TUBA1C: variants seen among roughly 807,000 people sequenced by gnomAD.
TUBA1C encodes tubulin alpha 1c, also known as tubulin alpha-1C chain.
TUBA1C carries 16 observed loss-of-function variants against 34.9 expected under a neutral mutation model. That is an observed-to-expected ratio of 0.46 (90% CI 0.31 to 0.70). TUBA1C has a LOEUF of 0.70. Ranked by LOEUF, TUBA1C falls within the 30% of genes least tolerant of loss-of-function variation. The pLI, the probability that TUBA1C is intolerant of heterozygous loss-of-function variation, is 0.05. For missense variants in TUBA1C, 329 were observed against 587.3 expected, an observed-to-expected ratio of 0.56 and a Z score of 4.55; for synonymous variants, 177 against 215.9, an observed-to-expected ratio of 0.82 and a Z score of 1.58.
chr12:49,254,022 G>C (rs987034252), intron 1 of TUBA1C, among the ~76,000 whole-genome samples: 3 of 152,114 alleles, frequency 2.0e-5, no homozygotes, highest in Admixed American at 6.6e-5. Flanking sequence ...GATAAAAGCA[G>C]GAAGGGGAGC....
At chr12:49,241,991 CTTT>C (rs201854507) in intron 1 of TUBA1C, among the ~76,000 whole-genome samples, 2 of 131,790 alleles carry the variant, frequency 1.5e-5, no homozygotes, top group Admixed American at 7.7e-5. Flanking sequence ...TTCTTTCTTT[CTTT>C]TTTTTTTTTT....
upstream of TUBA1C, chr12:49,265,005 C>T (rs1291845898): frequency 3.3e-6 from 3 of 906,368 alleles, no homozygotes; most frequent in South Asian, 1.6e-4. Flanking sequence ...CGGCACGGGG[C>T]GGGGTCTGGG....
At chr12:49,232,347 G>C (rs1280501152) in intron 1 of TUBA1C, among the ~76,000 whole-genome samples, 2 of 152,112 alleles carry the variant, frequency 1.3e-5, no homozygotes, top group Non-Finnish European at 2.9e-5. Context: ...TTTTCTGTTT[G>C]GATATGAACT....
intron 1 of TUBA1C, among the ~76,000 whole-genome samples, chr12:49,269,245 TAG>T (rs1942956100): frequency 6.6e-6 from 1 of 152,088 alleles, no homozygotes; most frequent in Non-Finnish European, 1.5e-5. Flanking sequence ...GTATTTTTAG[TAG>T]AGATGCAGTT....
At chr12:49,254,050 G>A (rs1048054147) in intron 1 of TUBA1C, among the ~76,000 whole-genome samples, 1 of 152,144 alleles carries the variant, frequency 6.6e-6, no homozygotes. Flanking sequence ...GGTGACTTAC[G>A]CCTGTAATCC....
At chr12:49,229,110 G>T (rs895406947) in intron 1 of TUBA1C, among the ~76,000 whole-genome samples, 2 of 152,150 alleles carry the variant, frequency 1.3e-5, no homozygotes, top group African/African-American at 4.8e-5. Flanking sequence ...CATGAAGGAG[G>T]CGGTGGATTT....
intron 1 of TUBA1C, among the ~76,000 whole-genome samples, chr12:49,246,451 G>A (rs1285131999): frequency 2.6e-5 from 4 of 151,634 alleles, no homozygotes; most frequent in Admixed American, 6.6e-5. Flanking sequence ...AGGCCGAGGC[G>A]GGCGGATCAC....
chr12:49,228,183 A>G, intron 1 of TUBA1C: 1 of 1,535,044 alleles, frequency 6.5e-7, no homozygotes, highest in Non-Finnish European at 8.7e-7. Flanking sequence ...CTGTAATAGT[A>G]ATGTAATGTA....
intron 1 of TUBA1C, chr12:49,228,248 T>C: frequency 1.5e-6 from 2 of 1,312,288 alleles, no homozygotes; most frequent in Non-Finnish European, 2.1e-6. Flanking sequence ...CAACTGATAT[T>C]TGTGAATTTG....
At chr12:49,258,674 C>T (rs146839073) in intron 1 of TUBA1C, among the ~76,000 whole-genome samples, 7 of 150,664 alleles carry the variant, frequency 4.6e-5, no homozygotes, top group African/African-American at 7.3e-5. Flanking sequence ...GTGATCAGCC[C>T]GCCTTGGCCT....
chr12:49,255,640 C>T (rs771563409), intron 1 of TUBA1C, among the ~76,000 whole-genome samples: 1 of 152,078 alleles, frequency 6.6e-6, no homozygotes, highest in Non-Finnish European at 1.5e-5. Context: ...CTCACTGCAA[C>T]CTCCACCTCC....
chr12:49,250,523 C>CAA (rs562107706), intron 1 of TUBA1C, among the ~76,000 whole-genome samples: 25 of 54,848 alleles, frequency 4.6e-4, no homozygotes, highest in East Asian at 1.0e-3. Flanking sequence ...GACTCCGTCT[C>CAA]AAAAAAAAAA....
intron 1 of TUBA1C, among the ~76,000 whole-genome samples, chr12:49,241,357 A>G (rs1942613045): frequency 6.6e-6 from 1 of 152,182 alleles, no homozygotes; most frequent in Non-Finnish European, 1.5e-5. Context: ...GTTAGGTAGG[A>G]TTCAACACTG....
intron 1 of TUBA1C, among the ~76,000 whole-genome samples, chr12:49,250,188 G>C (rs1188296116): frequency 6.6e-6 from 1 of 151,780 alleles, no homozygotes; most frequent in Non-Finnish European, 1.5e-5. Flanking sequence ...GACAGAGTGA[G>C]ACTCCATCTC....
chr12:49,235,253 TAA>T (rs36089997), intron 1 of TUBA1C, among the ~76,000 whole-genome samples: 5 of 147,454 alleles, frequency 3.4e-5, no homozygotes, highest in Non-Finnish European at 6.0e-5. Flanking sequence ...TTAGAATGCT[TAA>T]AAAAAAAAAA....
intron 1 of TUBA1C, among the ~76,000 whole-genome samples, chr12:49,231,448 G>T (rs1364980641): frequency 3.3e-5 from 5 of 152,162 alleles, no homozygotes; most frequent in Non-Finnish European, 7.3e-5. Flanking sequence ...GGGATTACAG[G>T]TGTGAGCCAG....
intron 1 of TUBA1C, among the ~76,000 whole-genome samples, chr12:49,240,269 GC>G (rs1379378727): frequency 6.8e-6 from 1 of 146,946 alleles, no homozygotes; most frequent in East Asian, 2.0e-4. Context: ...CTATAATTGG[GC>G]TTTTGAGAAT....
upstream of TUBA1C, chr12:49,264,868 CCTCTTCCTG>C (rs1942882089): frequency 1.4e-5 from 2 of 148,022 alleles, no homozygotes; most frequent in South Asian, 2.6e-4. Context: ...TCCCCTTCCT[CCTCTTCCTG>C]CTCCTGGCTC....
At chr12:49,238,258 T>C (rs1942578680) in intron 1 of TUBA1C, among the ~76,000 whole-genome samples, 1 of 150,810 alleles carries the variant, frequency 6.6e-6, no homozygotes, top group Admixed American at 6.6e-5. Context: ...ATTCTGCTAA[T>C]GTGAAAATAT....
Sources: gnomAD v4.1 joint callset for allele counts (sites outside exome capture counted in the v4.1 genomes callset) on GRCh38, gnomAD v4.1.1 for gene constraint, MANE v1.5 for transcripts, NCBI Gene and HGNC (gene_info 2026-07-23, HGNC 2026-07-21) for gene names.